MDGA2: variants seen among roughly 807,000 people sequenced by gnomAD.
MDGA2 encodes the protein MAM domain-containing glycosylphosphatidylinositol anchor protein 2.
A neutral mutation model predicts 117.8 loss-of-function variants in MDGA2; 40 were observed. The ratio of observed to expected loss-of-function variants is 0.34; its 90% CI spans 0.26 to 0.44. The LOEUF (loss-of-function observed/expected upper bound fraction) is 0.44, where lower values mean the gene tolerates loss of function less well. MDGA2 is among the 20% of genes least tolerant of loss of function. The pLI is 1.00. For synonymous variants in MDGA2, 452 were observed against 439.0 expected, an observed-to-expected ratio of 1.03 and a Z score of -0.37; for missense variants, 1,123 against 1,250.6, an observed-to-expected ratio of 0.90 and a Z score of 1.54.
intron 3 of MDGA2, among the ~76,000 whole-genome samples, chr14:47,186,149 T>G (rs998727660): frequency 1.7e-4 from 26 of 151,632 alleles, no homozygotes; most frequent in African/African-American, 6.3e-4. Context: ...TAGAATTATT[T>G]TATTGAAGTT....
chr14:47,270,673 C>T (rs1888114098), intron 2 of MDGA2, among the ~76,000 whole-genome samples: 1 of 152,044 alleles, frequency 6.6e-6, no homozygotes, highest in Admixed American at 6.6e-5. Flanking sequence ...TGGAAAAATA[C>T]AAAAACTTCT....
chr14:47,097,165 G>A, intron 5 of MDGA2, 42 bp from the exon 6 acceptor site: 1 of 1,586,780 alleles, frequency 6.3e-7, no homozygotes, highest in Non-Finnish European at 8.6e-7. Flanking sequence ...ATTTAGATAT[G>A]CTACAACTAG....
intron 1 of MDGA2, among the ~76,000 whole-genome samples, chr14:47,397,029 C>T (rs1038816159): frequency 6.6e-6 from 1 of 152,110 alleles, no homozygotes; most frequent in Non-Finnish European, 1.5e-5. Context: ...GACACATGCA[C>T]ACGTATGTTT....
chr14:47,151,779 A>G (rs978888726), intron 3 of MDGA2, among the ~76,000 whole-genome samples: 13 of 151,788 alleles, frequency 8.6e-5, no homozygotes, highest in Non-Finnish European at 1.5e-4. Context: ...TTTATTTTAA[A>G]TATATTTCAA....
At chr14:47,590,435 G>A (rs946551868) in intron 1 of MDGA2, among the ~76,000 whole-genome samples, 1 of 151,766 alleles carries the variant, frequency 6.6e-6, no homozygotes, top group Non-Finnish European at 1.5e-5. Context: ...AGGGAAAGGT[G>A]TAAAAAAATA....
intron 9 of MDGA2, among the ~76,000 whole-genome samples, chr14:46,953,278 C>T (rs1272558862): frequency 1.3e-5 from 2 of 150,098 alleles, no homozygotes; most frequent in Admixed American, 6.7e-5. Context: ...TATGGTTATG[C>T]AATAAAAAAT....
At chr14:46,870,503 TGAA>T (rs1181777753) in intron 14 of MDGA2, among the ~76,000 whole-genome samples, 1 of 152,002 alleles carries the variant, frequency 6.6e-6, no homozygotes, top group Non-Finnish European at 1.5e-5. Context: ...ATCTCTCTAA[TGAA>T]CTATCTCATC....
chr14:47,609,428 CATATATAT>C lies in MDGA2; in HGVS notation c.280+65081_280+65088del, dbSNP rs3040345. Among the ~76,000 whole-genome samples the C allele has an allele frequency of 9.5e-3, 166 of 17,558 alleles. 19 individuals carry two copies. Among genetic ancestry groups the C allele is most frequent in the Middle Eastern group, 0.056 (2 of 36 alleles). The allele number at this position is 17,558 out of a possible 152,430, so 11.5% of individuals were successfully genotyped here. On this transcript the variant is annotated intron_variant, in intron 1 of 16. Coordinates refer to ENST00000399232, the MANE Select transcript of MDGA2 (RefSeq NM_001113498.3). The stretch of plus-strand genomic sequence containing the variant: ...TTTCTATGGCTGAGTAGTATTCCAT[CATATATAT>C]ATATATATATATATATATATATATA...
At chr14:47,232,154 A>T (rs2139574048) in intron 2 of MDGA2, among the ~76,000 whole-genome samples, 1 of 152,214 alleles carries the variant, frequency 6.6e-6, no homozygotes, top group African/African-American at 2.4e-5. Context: ...GGGTTATATC[A>T]TGAAGAATTC....
chr14:47,018,156 C>G (rs1192064997), intron 8 of MDGA2, among the ~76,000 whole-genome samples: 1 of 150,716 alleles, frequency 6.6e-6, no homozygotes, highest in Non-Finnish European at 1.5e-5. Flanking sequence ...TTTTTTTTTC[C>G]CCCCGTTCTT....
At chr14:46,928,844 A>C (rs1477693831) in intron 9 of MDGA2, among the ~76,000 whole-genome samples, 1 of 152,190 alleles carries the variant, frequency 6.6e-6, no homozygotes. Context: ...ATTTTATCCC[A>C]ATATGTAAGA....
chr14:47,533,781 CTTATCAT>C (rs2138738070), intron 1 of MDGA2, among the ~76,000 whole-genome samples: 1 of 152,228 alleles, frequency 6.6e-6, no homozygotes, highest in Non-Finnish European at 1.5e-5. Context: ...TAACTTCTGA[CTTATCAT>C]TTTATTAGCT....
intron 5 of MDGA2, among the ~76,000 whole-genome samples, chr14:47,122,310 G>A (rs1412412661): frequency 1.3e-5 from 2 of 151,970 alleles, no homozygotes; most frequent in Non-Finnish European, 2.9e-5. Context: ...AGTTGTTTAA[G>A]GCTCCATATG....
chr14:47,265,206 A>G (rs895311289), intron 2 of MDGA2, among the ~76,000 whole-genome samples: 2 of 152,190 alleles, frequency 1.3e-5, no homozygotes, highest in Non-Finnish European at 2.9e-5. Context: ...GATTCAGTAG[A>G]CATAAATAAT....
At chr14:47,137,294 T>C (rs1882502866) in intron 4 of MDGA2, among the ~76,000 whole-genome samples, 1 of 152,136 alleles carries the variant, frequency 6.6e-6, no homozygotes, top group Non-Finnish European at 1.5e-5. Flanking sequence ...AGCAACAAAA[T>C]TGGCATAGGA....
chr14:47,030,305 A>G (rs1888616577), intron 8 of MDGA2, among the ~76,000 whole-genome samples: 1 of 152,032 alleles, frequency 6.6e-6, no homozygotes, highest in South Asian at 2.1e-4. Flanking sequence ...ACCTGAGGTC[A>G]GGAGTTCGAG....
intron 1 of MDGA2, among the ~76,000 whole-genome samples, chr14:47,471,733 TA>T (rs1893732727): frequency 6.6e-6 from 1 of 152,010 alleles, no homozygotes; most frequent in Non-Finnish European, 1.5e-5. Flanking sequence ...ATTAATTTAG[TA>T]AAAAACTCTA....
chr14:47,514,811 A>C (rs1465797365), intron 1 of MDGA2, among the ~76,000 whole-genome samples: 1 of 152,056 alleles, frequency 6.6e-6, no homozygotes, highest in African/African-American at 2.4e-5. Flanking sequence ...TTGTCAGCCA[A>C]AACATCTGAT....
At chr14:47,079,013 A>G (rs1016426313) in intron 6 of MDGA2, among the ~76,000 whole-genome samples, 3 of 151,570 alleles carry the variant, frequency 2.0e-5, no homozygotes, top group African/African-American at 4.9e-5. Flanking sequence ...CTTTTTTTAG[A>G]TTCCACATGT....
Sources: allele counts gnomAD v4.1 joint callset (sites outside exome capture counted in the v4.1 genomes callset), GRCh38; gene constraint gnomAD v4.1.1; transcripts MANE v1.5; gene names NCBI Gene and HGNC (gene_info 2026-07-23, HGNC 2026-07-21).